HELZ: variants seen among roughly 807,000 people sequenced by gnomAD.
HELZ encodes helicase with zinc finger.
HELZ carries 23 observed loss-of-function variants against 218.2 expected under a neutral mutation model. The ratio of observed to expected loss-of-function variants is 0.11; its 90% CI spans 0.08 to 0.15. The LOEUF (loss-of-function observed/expected upper bound fraction) is 0.15. Ranked by LOEUF, HELZ falls within the 10% of genes least tolerant of loss-of-function variation. The pLI is 1.00. For missense variants in HELZ, 1,813 were observed against 2,353.7 expected, an observed-to-expected ratio of 0.77 and a Z score of 4.75; for synonymous variants, 814 against 829.4, an observed-to-expected ratio of 0.98 and a Z score of 0.32.
intron 24 of HELZ, among the ~76,000 whole-genome samples, chr17:67,126,494 G>C (rs558683181): frequency 5.1e-4 from 77 of 152,224 alleles, no homozygotes; most frequent in Non-Finnish European, 1.0e-3. Context: ...AGAAACCATA[G>C]AACAGTAAAT....
chr17:67,166,376 C>A, intron 15 of HELZ, 102 bp downstream of exon 15: 1 of 1,012,304 alleles, frequency 9.9e-7, no homozygotes, highest in Non-Finnish European at 1.5e-6. Context: ...TCCTGAAAAG[C>A]AAAGGCAAAC....
Position 67,140,609 on chromosome 17 carries a change from A to G in HELZ, c.2770-2495T>C, listed in dbSNP as rs142374439. ...TGGAACACCAATTAAGCTCACCAAC[A>G]TGCATCTGATGGGAGAACAGGAGGA... is the stretch of plus-strand genomic sequence containing the variant. On this transcript the variant is annotated intron_variant, in intron 21 of 32. Transcript: ENST00000358691. Among the ~76,000 whole-genome samples the G allele has an allele frequency of 2.6e-5, 4 of 152,288 alleles. No individual in the cohort carries two copies. In the East Asian group the frequency reaches 5.8e-4, roughly 22 times the overall value.
At position 67,218,811 on chromosome 17, in the gene HELZ, G is replaced by A. The variant is rs1435003552; in HGVS notation, c.-7C>T. ...CAGCTCTTCTGTCTTCCATGACTCA[G>A]GGACAAAAATCCTACAGACAGGGAG... is the stretch of plus-strand genomic sequence containing the variant. On this transcript the variant is annotated 5_prime_UTR_variant, in exon 4 of 33. Coordinates refer to ENST00000358691, the MANE Select transcript of HELZ (RefSeq NM_014877.4). 1.2e-6 allele frequency: 2 copies of A among 1,613,226 alleles called. No homozygotes were observed. The highest frequency in any genetic ancestry group is 1.7e-6 in the Non-Finnish European group (2 of 1,179,430).
intron 22 of HELZ, among the ~76,000 whole-genome samples, chr17:67,136,402 T>G (rs771221851): frequency 6.6e-5 from 10 of 152,166 alleles, no homozygotes; most frequent in Non-Finnish European, 1.3e-4. Context: ...TCTTCAAAAA[T>G]TTAGGCAGAG....
intron 15 of HELZ, among the ~76,000 whole-genome samples, chr17:67,164,743 T>C (rs1179366209): frequency 2.0e-5 from 3 of 151,998 alleles, no homozygotes; most frequent in Non-Finnish European, 4.4e-5. Context: ...GAGTGTCAAG[T>C]AGAAAAAAGT....
chr17:67,148,483 C>T, intron 20 of HELZ, 86 bp downstream of exon 20: 1 of 1,102,300 alleles, frequency 9.1e-7, no homozygotes, highest in Non-Finnish European at 1.3e-6. Flanking sequence ...TGGGAATCAT[C>T]TGTCCCTAGC....
chr17:67,238,903 G>T (rs2041254173), intron 3 of HELZ, among the ~76,000 whole-genome samples: 1 of 152,096 alleles, frequency 6.6e-6, no homozygotes, highest in South Asian at 2.1e-4. Flanking sequence ...TAATCTGAAA[G>T]ACTAATAGTA....
intron 12 of HELZ, among the ~76,000 whole-genome samples, chr17:67,185,848 G>C (rs1443727102): frequency 1.3e-5 from 2 of 152,100 alleles, no homozygotes; most frequent in African/African-American, 4.8e-5. Context: ...ACTAAAAAAA[G>C]GATATGGTAT....
At chr17:67,231,977 C>T (rs903945476) in intron 3 of HELZ, among the ~76,000 whole-genome samples, 2 of 135,628 alleles carry the variant, frequency 1.5e-5, no homozygotes, top group African/African-American at 5.6e-5. Context: ...TGCTTGAACT[C>T]GGGAGGGGGA....
At chr17:67,192,342 T>C (rs2039919785) in intron 9 of HELZ, among the ~76,000 whole-genome samples, 2 of 152,092 alleles carry the variant, frequency 1.3e-5, no homozygotes, top group Admixed American at 6.5e-5. Flanking sequence ...CACAGCACAA[T>C]ATGAATTTTC....
chr17:67,193,949 C>CA lies in HELZ; in HGVS notation c.557+17dup, dbSNP rs746898077. 5 of 1,603,534 alleles carry CA rather than the reference C, an allele frequency of 3.1e-6. No homozygotes were observed. Among genetic ancestry groups the CA allele is most frequent in the Admixed American group, 1.7e-5 (1 of 59,692 alleles). On this transcript the variant is annotated intron_variant, in intron 9 of 32. Coordinates refer to ENST00000358691, the MANE Select transcript of HELZ (RefSeq NM_014877.4). ...AACAAGACATGTCATTGTTTAAAAA[C>CA]AAAAAAATTCACATTACCTTTTACA...
upstream of HELZ, chr17:67,245,273 GC>G (rs2041452884): frequency 2.1e-6 from 2 of 933,558 alleles, no homozygotes; most frequent in African/African-American, 3.7e-5. Flanking sequence ...CGCCGGCGCC[GC>G]CCCCTCCGGC....
intron 12 of HELZ, among the ~76,000 whole-genome samples, chr17:67,182,034 A>G (rs764418747): frequency 2.0e-4 from 30 of 152,094 alleles, no homozygotes; most frequent in Non-Finnish European, 1.5e-5. Flanking sequence ...TGTCATCTCC[A>G]CCTACAGCAC....
Position 67,086,889 on chromosome 17 carries a change from G to T in HELZ, c.5434C>A (p.Pro1812Thr). 1 of 1,613,636 alleles carries T rather than the reference G, an allele frequency of 6.2e-7. No individual in the cohort carries two copies. Among genetic ancestry groups the T allele is most frequent in the Admixed American group, 1.7e-5 (1 of 59,958 alleles). Residue 1812 changes from proline to threonine, a missense_variant, in exon 32 of 33, where the codon CCT (proline) becomes ACT (threonine). Pro to Thr is a conservative substitution (Grantham distance 38). This residue lies in a region of HELZ where 938 missense variants were observed against 1,027.5 expected (regional missense o/e 0.91). Transcript: ENST00000358691. ...CCATTGCACGGAATGTTCTGATAAG[G>T]AGTAGATGAGGTGGTGTTTACCCAG... The part of the protein sequence containing the change: ...ESWVNTTSST[P>T]YQNIPCNGSS...
intron 3 of HELZ, among the ~76,000 whole-genome samples, chr17:67,237,138 G>C (rs1199282233): frequency 6.6e-6 from 1 of 152,066 alleles, no homozygotes; most frequent in South Asian, 2.1e-4. Context: ...TCAGGAATTC[G>C]AGACCAGTCT....
chr17:67,106,442 G>A (rs2037104444), intron 31 of HELZ, among the ~76,000 whole-genome samples: 1 of 151,506 alleles, frequency 6.6e-6, no homozygotes, highest in Admixed American at 6.6e-5. Flanking sequence ...CGAGTAGCTG[G>A]GACTACAGGC....
At chr17:67,106,432 C>T (rs906488855) in intron 31 of HELZ, among the ~76,000 whole-genome samples, 9 of 151,598 alleles carry the variant, frequency 5.9e-5, no homozygotes, top group South Asian at 2.1e-4. Flanking sequence ...CTCAGCCTCC[C>T]GAGTAGCTGG....
intron 23 of HELZ, among the ~76,000 whole-genome samples, chr17:67,130,544 G>A (rs1289759692): frequency 6.6e-6 from 1 of 152,106 alleles, no homozygotes; most frequent in Non-Finnish European, 1.5e-5. Context: ...GGAAATACAT[G>A]CTGAAAAGCT....
intron 3 of HELZ, among the ~76,000 whole-genome samples, chr17:67,227,527 G>A (rs945008218): frequency 6.6e-6 from 1 of 152,126 alleles, no homozygotes. Context: ...AATGCAGCAG[G>A]ATAAGTGTGC....
Sources: gnomAD v4.1 joint callset for allele counts (sites outside exome capture counted in the v4.1 genomes callset) on GRCh38, gnomAD v4.1.1 for gene constraint, gnomAD v4.1.1 regional missense constraint, MANE v1.5 for transcripts, NCBI Gene and HGNC (gene_info 2026-07-23, HGNC 2026-07-21) for gene names.